The following CTNNA2 variants were observed in gnomAD, a reference collection of about 807,000 sequenced individuals.
CTNNA2 encodes catenin alpha 2.
CTNNA2 carries 42 observed loss-of-function variants against 101.0 expected under a neutral mutation model. The ratio of observed to expected loss-of-function variants is 0.42; its 90% confidence interval spans 0.32 to 0.54. The LOEUF is 0.54. CTNNA2 is among the 20% of genes least tolerant of loss of function. The pLI, the probability that CTNNA2 is intolerant of heterozygous loss-of-function variation, is 0.14. For missense variants in CTNNA2, 871 were observed against 1,223.1 expected (o/e 0.71, Z 4.29); for synonymous variants, 450 against 456.4 (o/e 0.99, Z 0.18).
chr2:80,557,551 C>G (rs538490602), intron 12 of CTNNA2, among the ~76,000 whole-genome samples: 3 of 152,164 alleles, frequency 2.0e-5, no homozygotes, highest in Non-Finnish European at 2.9e-5. Flanking sequence ...TGTTGAAGAC[C>G]TAGAGACAGG....
rs533184230 is a variant in CTNNA2 at position 79,865,966 on chromosome 2, G to A, written c.466-3850G>A. 3.2e-4 allele frequency among the ~76,000 whole-genome samples: 49 copies of A among 152,326 alleles called. 1 individual carries two copies. Among genetic ancestry groups the A allele is most frequent in the African/African-American group, 1.1e-3 (46 of 41,574 alleles). ...GAAATCCTGACCTCGTGATCCGCCC[G>A]CCTCGGCCTCCCGAAGTGCTGGGAT... On this transcript the variant is annotated intron_variant, in intron 4 of 18. Transcript: ENST00000402739.
chr2:80,062,819 C>A (rs1299531813), intron 7 of CTNNA2, among the ~76,000 whole-genome samples: 1 of 151,434 alleles, frequency 6.6e-6, no homozygotes, highest in Non-Finnish European at 1.5e-5. Context: ...CATTCTCCTG[C>A]CTTAGCCTCC....
At chr2:79,702,024 A>G (rs1259359682) in intron 2 of CTNNA2, among the ~76,000 whole-genome samples, 2 of 132,006 alleles carry the variant, frequency 1.5e-5, no homozygotes, top group Non-Finnish European at 3.2e-5. Context: ...AAAAAAAAAG[A>G]CTGATGTGGA....
At chr2:79,958,715 T>C (rs1689416930) in intron 7 of CTNNA2, among the ~76,000 whole-genome samples, 1 of 152,214 alleles carries the variant, frequency 6.6e-6, no homozygotes, top group African/African-American at 2.4e-5. Context: ...GCAACTGAAC[T>C]TGTGGTAATT....
chr2:80,564,184 A>G (rs1479836158), intron 12 of CTNNA2, among the ~76,000 whole-genome samples: 2 of 152,192 alleles, frequency 1.3e-5, no homozygotes, highest in East Asian at 3.9e-4. Flanking sequence ...ACTTTATTAC[A>G]TCTTAATGCA....
intron 4 of CTNNA2, among the ~76,000 whole-genome samples, chr2:79,455,804 T>G (rs1307270507): frequency 6.6e-6 from 1 of 152,192 alleles, no homozygotes; most frequent in African/African-American, 2.4e-5. Flanking sequence ...ATACAATGTT[T>G]CATACACTTA....
intron 9 of CTNNA2, among the ~76,000 whole-genome samples, chr2:80,491,158 C>A (rs1687029517): frequency 6.6e-6 from 1 of 152,172 alleles, no homozygotes; most frequent in East Asian, 1.9e-4. Flanking sequence ...TCTGGGCATA[C>A]CTTAGGTTAA....
At chr2:79,979,187 C>T (rs956069285) in intron 7 of CTNNA2, among the ~76,000 whole-genome samples, 1 of 152,038 alleles carries the variant, frequency 6.6e-6, no homozygotes, top group African/African-American at 2.4e-5. Context: ...GGATTTTGAC[C>T]AGCCTGGGCA....
At chr2:80,407,073 C>T (rs2149388196) in intron 8 of CTNNA2, among the ~76,000 whole-genome samples, 1 of 152,262 alleles carries the variant, frequency 6.6e-6, no homozygotes, top group Non-Finnish European at 1.5e-5. Flanking sequence ...ACAACTTCTA[C>T]TCTTCCATGT....
intron 4 of CTNNA2, among the ~76,000 whole-genome samples, chr2:79,414,476 C>G (rs1480818940): frequency 6.6e-6 from 1 of 151,894 alleles, no homozygotes; most frequent in African/African-American, 2.4e-5. Context: ...ACTATATCCC[C>G]CATAAACATA....
At chr2:80,262,860 C>G (rs1227809679) in intron 7 of CTNNA2, among the ~76,000 whole-genome samples, 1 of 152,010 alleles carries the variant, frequency 6.6e-6, no homozygotes, top group Non-Finnish European at 1.5e-5. Flanking sequence ...AATCAGGACC[C>G]TTTCAAAATT....
chr2:80,202,156 C>G (rs2149018320), intron 7 of CTNNA2, among the ~76,000 whole-genome samples: 1 of 152,290 alleles, frequency 6.6e-6, no homozygotes, highest in South Asian at 2.1e-4. Context: ...CCCTCTTTCC[C>G]TGCTTGATCT....
chr2:79,378,676 T>G (rs1013810519), intron 4 of CTNNA2, among the ~76,000 whole-genome samples: 1 of 152,172 alleles, frequency 6.6e-6, no homozygotes, highest in Non-Finnish European at 1.5e-5. Context: ...GAACTTTTAC[T>G]TAGAGGTGCT....
intron 12 of CTNNA2, chr2:80,572,978 T>G (rs1350108273): frequency 6.6e-6 from 1 of 152,180 alleles, no homozygotes; most frequent in Non-Finnish European, 1.5e-5. Flanking sequence ...TGTTTTATCT[T>G]GAATACTCTG....
At chr2:80,543,797 G>C (rs1197378829) in intron 9 of CTNNA2, among the ~76,000 whole-genome samples, 2 of 152,144 alleles carry the variant, frequency 1.3e-5, no homozygotes, top group Non-Finnish European at 2.9e-5. Context: ...AATGGGAGGA[G>C]AGCAGCCCAG....
chr2:79,531,593 C>T (rs908361110), intron 1 of CTNNA2, among the ~76,000 whole-genome samples: 3 of 151,968 alleles, frequency 2.0e-5, no homozygotes, highest in Non-Finnish European at 4.4e-5. Flanking sequence ...CCAAAAGAGG[C>T]AAGGTGTGTA....
At chr2:79,350,101 G>T (rs868465964) in intron 3 of CTNNA2, among the ~76,000 whole-genome samples, 87 of 137,958 alleles carry the variant, frequency 6.3e-4, no homozygotes, top group Middle Eastern at 3.6e-3. Flanking sequence ...AAAAAAAAAT[G>T]AGGTCAAGTT....
At chr2:80,599,055 C>T (rs535229776) in intron 15 of CTNNA2, among the ~76,000 whole-genome samples, 1 of 152,168 alleles carries the variant, frequency 6.6e-6, no homozygotes, top group East Asian at 1.9e-4. Flanking sequence ...TGCAGTCATA[C>T]AAGATATTAA....
intron 7 of CTNNA2, among the ~76,000 whole-genome samples, chr2:80,267,161 G>A (rs749337382): frequency 5.3e-5 from 8 of 152,174 alleles, no homozygotes; most frequent in Non-Finnish European, 8.8e-5. Flanking sequence ...TGCTCCTTCC[G>A]ATGGCTTCCT....
Sources: gnomAD v4.1 joint callset for allele counts (sites outside exome capture counted in the v4.1 genomes callset) on GRCh38, gnomAD v4.1.1 for gene constraint, MANE v1.5 for transcripts, NCBI Gene and HGNC (gene_info 2026-07-23, HGNC 2026-07-21) for gene names.